The following CTSB variants were observed in gnomAD, a reference collection of about 807,000 sequenced individuals.
CTSB encodes the protein APP secretase.
CTSB carries 57 observed loss-of-function variants against 44.3 expected under a neutral mutation model. The observed-to-expected ratio is 1.29, with a 90% CI of 1.04 to 1.60. The LOEUF is 1.60. CTSB is among the 40% of genes most tolerant of loss of function. CTSB has a pLI of 0.00. For missense variants in CTSB, 768 were observed against 443.0 expected, an observed-to-expected ratio of 1.73 and a Z score of -6.59; for synonymous variants, 320 against 168.0, an observed-to-expected ratio of 1.91 and a Z score of -7.00.
chr8:11,852,043 C>A (rs533850183), intron 3 of CTSB, among the ~76,000 whole-genome samples: 1 of 152,288 alleles, frequency 6.6e-6, no homozygotes, highest in South Asian at 2.1e-4. Context: ...CAGACCTTGT[C>A]TGTCACATCT....
At chr8:11,847,574 G>A (rs1813637839) in intron 7 of CTSB, 105 bp downstream of exon 7, 1 of 1,292,148 alleles carries the variant, frequency 7.7e-7, no homozygotes, top group Non-Finnish European at 1.0e-6. Context: ...TAGAGTTCCG[G>A]GACCCCAAGG....
chr8:11,848,905 G>C, intron 5 of CTSB, 141 bp downstream of exon 5: 1 of 606,690 alleles, frequency 1.6e-6, no homozygotes, highest in East Asian at 3.0e-5. Context: ...GCCAGGCCCT[G>C]CCTGCCAGAC....
At chr8:11,866,599 C>A (rs1817186340) in intron 1 of CTSB, among the ~76,000 whole-genome samples, 2 of 152,338 alleles carry the variant, frequency 1.3e-5, no homozygotes, top group South Asian at 4.1e-4. Flanking sequence ...CAGTTCTTGG[C>A]CAGGCACCGT....
intron 4 of CTSB, 112 bp downstream of exon 4, chr8:11,850,754 A>G: frequency 4.7e-6 from 3 of 644,138 alleles, no homozygotes; most frequent in Non-Finnish European, 8.1e-6. Context: ...GGACTCAGAA[A>G]GTTTCTATAA....
chr8:11,850,972 A>T lies in CTSB; in HGVS notation c.221T>A (p.Phe74Tyr). 6.2e-7 allele frequency: 1 copy of T among 1,611,704 alleles called. No individual in the cohort carries two copies. The highest frequency in any genetic ancestry group is 1.7e-4 in the Middle Eastern group (1 of 6,046). ...GGPKPPQRVM[F>Y]TEDLKLPASF... The stretch of plus-strand genomic sequence containing the variant: ...TGCAGGCAGCTTCAGGTCCTCGGTA[A>T]ACATAACTCTGGATAAAGGAAGGTC... The change falls in exon 4 of 10, where the codon TTT (phenylalanine) becomes TAT (tyrosine). Residue 74 changes from phenylalanine to tyrosine, a missense_variant. Transcript: ENST00000353047.
intron 4 of CTSB, chr8:11,850,544 A>C (rs1052719993): frequency 4.6e-5 from 10 of 215,708 alleles, no homozygotes; most frequent in African/African-American, 6.8e-5. Flanking sequence ...CACTGACACT[A>C]AAGGGATGCT....
intron 1 of CTSB, among the ~76,000 whole-genome samples, chr8:11,860,959 A>G (rs1816320128): frequency 6.6e-6 from 1 of 152,218 alleles, no homozygotes; most frequent in Non-Finnish European, 1.5e-5. Flanking sequence ...GCAGCCCTGC[A>G]CTGGGTGGGA....
At chr8:11,862,790 C>G (rs1816622919) in intron 1 of CTSB, among the ~76,000 whole-genome samples, 1 of 152,262 alleles carries the variant, frequency 6.6e-6, no homozygotes, top group South Asian at 2.1e-4. Context: ...CATGAGACAG[C>G]CCGGCCCTCC....
chr8:11,845,630 T>C (rs1586074868), intron 9 of CTSB, 31 bp downstream of exon 9: 3 of 1,604,314 alleles, frequency 1.9e-6, no homozygotes, highest in South Asian at 1.1e-5. Context: ...CACAATTCAC[T>C]GTTCTTGGCA....
Position 11,850,882 on chromosome 8 carries a change from G to A in CTSB, c.311C>T (p.Ser104Phe), listed in dbSNP as rs1366827951. Residue 104 changes from serine to phenylalanine, a missense_variant, in exon 4 of 10, where the codon TCC becomes TTC. Ser to Phe is a radical substitution (Grantham distance 155, BLOSUM62 -2). Coordinates refer to ENST00000353047, the MANE Select transcript of CTSB (RefSeq NM_001908.5). ...GGGCCTTACCCAGCAGGAGCCACAG[G>A]AGCCCTGGTCTCTGATCTCTTTGAT... Reference protein sequence around the residue: ...PTIKEIRDQGSCGSCWAFGAV... With the variant: ...PTIKEIRDQGFCGSCWAFGAV... The A allele has an allele frequency of 2.5e-6, 4 of 1,612,842 alleles. No homozygotes were observed. The highest frequency in any genetic ancestry group is 1.7e-6 in the Non-Finnish European group (2 of 1,179,262).
Position 11,845,723 on chromosome 8 carries a change from A to G in CTSB, c.860T>C (p.Val287Ala). ...CAGCCAGTAGGGTGTGCCATTCTCC[A>G]CTCCCCAGCCCAGGATGCGGATGGC... ...GHAIRILGWG[V>A]ENGTPYWLVA... The change falls in exon 9 of 10, where the codon GTG (valine) becomes GCG (alanine). Residue 287 changes from valine (V) to alanine (A), a missense_variant. Coordinates refer to ENST00000353047, the MANE Select transcript of CTSB (RefSeq NM_001908.5). The G allele has an allele frequency of 6.2e-7, 1 of 1,613,722 alleles. No individual in the cohort carries two copies. Among genetic ancestry groups the G allele is most frequent in the South Asian group, 1.1e-5 (1 of 91,036 alleles).
chr8:11,867,092 G>A (rs1247943798), intron 1 of CTSB, among the ~76,000 whole-genome samples: 1 of 152,068 alleles, frequency 6.6e-6, no homozygotes, highest in Non-Finnish European at 1.5e-5. Context: ...CCAGCCTGCT[G>A]GCTTTCTCAG....
chr8:11,860,735 G>A (rs565946993), intron 1 of CTSB, among the ~76,000 whole-genome samples: 3 of 152,232 alleles, frequency 2.0e-5, no homozygotes, highest in Non-Finnish European at 2.9e-5. Context: ...AAGAGCACGG[G>A]AACAGTGGAA....
intron 1 of CTSB, among the ~76,000 whole-genome samples, chr8:11,861,121 C>T (rs1816342519): frequency 6.6e-6 from 1 of 152,170 alleles, no homozygotes. Flanking sequence ...AAATTAAGGA[C>T]AAAAACAAAA....
At chr8:11,847,314 G>C (rs1813581856) in intron 7 of CTSB, 146 bp from the exon 8 acceptor site, 4 of 660,728 alleles carry the variant, frequency 6.1e-6, no homozygotes, top group South Asian at 1.8e-5. Flanking sequence ...CTCAAGGAAG[G>C]CTCCCCTGAA....
At chr8:11,856,481 C>T (rs1283650472) in intron 1 of CTSB, among the ~76,000 whole-genome samples, 3 of 152,164 alleles carry the variant, frequency 2.0e-5, no homozygotes, top group Admixed American at 6.5e-5. Flanking sequence ...GGCGTGGTGG[C>T]GCATGCCTGT....
Position 11,844,699 on chromosome 8 carries a change from C to G in CTSB, c.*426G>C, listed in dbSNP as rs772835376. The G allele has an allele frequency of 6.0e-5, 10 of 166,402 alleles. No homozygotes were observed. The highest frequency in any genetic ancestry group is 1.9e-4 in the African/African-American group (8 of 42,100). The allele number at this position is 166,402 out of a possible 1,614,324, so 10.3% of individuals were successfully genotyped here. Reference sequence around the variant, plus strand: ...CTCCAAAGGGCTCCCAACACCGTCTCTCCTCTGATTTCTGTGACAAATGTG... The same window carrying G: ...CTCCAAAGGGCTCCCAACACCGTCTGTCCTCTGATTTCTGTGACAAATGTG... On this transcript the variant is annotated 3_prime_UTR_variant, in exon 10 of 10. Coordinates refer to ENST00000353047, the MANE Select transcript of CTSB (RefSeq NM_001908.5).
rs756537710 is a variant in CTSB, at chr8:11,843,901, G to A, written c.*1224C>T. On this transcript the variant is annotated 3_prime_UTR_variant, in exon 10 of 10. Coordinates refer to ENST00000353047, the MANE Select transcript of CTSB (RefSeq NM_001908.5). ...ACAAAAATTACCCAGGCATATTGGT[G>A]AGTGCCTGTCATCCCAGCTACTCGG... 2 of 152,198 alleles carry A rather than the reference G, an allele frequency of 1.3e-5. No individual in the cohort carries two copies. Among genetic ancestry groups the A allele is most frequent in the Admixed American group, 6.5e-5 (1 of 15,276 alleles). The allele number at this position is 152,198 out of a possible 1,614,324, so 9.4% of individuals were successfully genotyped here.
In CTSB at chr8:11,854,212, C is replaced by A. The variant is rs184388826; in HGVS notation, c.-25-733G>T. Among the ~76,000 whole-genome samples, 67 of 152,308 alleles carry A rather than the reference C, an allele frequency of 4.4e-4. 1 individual carries two copies. Among genetic ancestry groups the A allele is most frequent in the African/African-American group, 1.6e-3 (65 of 41,576 alleles). ...AAAGCAATACATGTCTCCTGGGCGC[C>A]TGCATCCAGGGCTGGGGAGAGCCGC... On this transcript the variant is annotated intron_variant, in intron 1 of 9. Transcript: ENST00000353047.
Sources: allele counts gnomAD v4.1 joint callset (sites outside exome capture counted in the v4.1 genomes callset), GRCh38; gene constraint gnomAD v4.1.1; transcripts MANE v1.5; gene names NCBI Gene and HGNC (gene_info 2026-07-23, HGNC 2026-07-21).